Variants in IL1RAPL1 observed in about 807,000 individuals in gnomAD.
The protein encoded by IL1RAPL1 is interleukin 1 receptor accessory protein like 1.
Under a neutral mutation model 48.4 loss-of-function variants are expected in IL1RAPL1, and 3 were observed. The observed-to-expected ratio is 0.06, with a 90% CI of 0.03 to 0.16. The LOEUF (loss-of-function observed/expected upper bound fraction) is 0.16, where lower values mean the gene tolerates loss of function less well. Ranked by LOEUF, IL1RAPL1 falls within the 10% of genes least tolerant of loss-of-function variation. The pLI, the probability that IL1RAPL1 is intolerant of heterozygous loss-of-function variation, is 1.00. For missense variants in IL1RAPL1, 349 were observed against 530.6 expected (o/e 0.66, Z 3.36); for synonymous variants, 185 against 187.7 (o/e 0.99, Z 0.12).
rs776902047 is a variant in IL1RAPL1 at position 29,886,764 on chromosome X, G to C, written c.779-30700G>C. 3.9e-4 allele frequency among the ~76,000 whole-genome samples: 44 copies of C among 111,820 alleles called. 1 individual carries two copies. The highest frequency in any genetic ancestry group is 4.7e-3 in the Middle Eastern group (1 of 214). On this transcript the variant is annotated intron_variant, in intron 6 of 10. Coordinates refer to ENST00000378993, the MANE Select transcript of IL1RAPL1 (RefSeq NM_014271.4). ...CAAGAGTTAAATGCAATACGGAGTAGCTCTAATAGGACCTAGACATCAGGG... is the reference window on the plus strand; with the variant it reads ...CAAGAGTTAAATGCAATACGGAGTACCTCTAATAGGACCTAGACATCAGGG...
chrX:28,993,398 G>T (rs1260798520), intron 2 of IL1RAPL1, among the ~76,000 whole-genome samples: 1 of 111,806 alleles, frequency 8.9e-6, no homozygotes, highest in Non-Finnish European at 1.9e-5. Flanking sequence ...AGACATGATG[G>T]TGGCTGGCAC....
intron 2 of IL1RAPL1, among the ~76,000 whole-genome samples, chrX:29,231,284 G>A (rs115408330): frequency 0.015 from 1,683 of 111,474 alleles, 28 homozygotes; most frequent in African/African-American, 0.047. Flanking sequence ...TCATCTCTGT[G>A]GGTGAGACTA....
intron 5 of IL1RAPL1, among the ~76,000 whole-genome samples, chrX:29,639,096 G>C (rs1925073309): frequency 9.3e-6 from 1 of 107,676 alleles, no homozygotes; most frequent in African/African-American, 3.4e-5. Context: ...TGAGGCAGGA[G>C]AATGGCGTGA....
intron 3 of IL1RAPL1, among the ~76,000 whole-genome samples, chrX:29,307,157 A>G: frequency 9.0e-6 from 1 of 111,284 alleles, no homozygotes. Context: ...TGGAACCTCC[A>G]TCCTAACCTC....
At chrX:29,334,810 A>T (rs1399003979) in intron 3 of IL1RAPL1, among the ~76,000 whole-genome samples, 1 of 111,260 alleles carries the variant, frequency 9.0e-6, no homozygotes, top group Admixed American at 9.3e-5. Context: ...CCAGGCAGAG[A>T]GGCTCCTCAT....
At chrX:29,844,793 A>G (rs1931211853) in intron 6 of IL1RAPL1, among the ~76,000 whole-genome samples, 1 of 112,153 alleles carries the variant, frequency 8.9e-6, no homozygotes, top group Non-Finnish European at 1.9e-5. Context: ...TCCTTCTTGG[A>G]TACAAGGAAC....
intron 2 of IL1RAPL1, among the ~76,000 whole-genome samples, chrX:28,912,843 T>A (rs970114385): frequency 3.6e-5 from 4 of 111,603 alleles, no homozygotes; most frequent in African/African-American, 6.5e-5. Context: ...TTTGAAAAAA[T>A]TTTTTTGTAG....
rs185646655 is a variant in IL1RAPL1, at chrX:28,677,465, A to G, written c.-25+89418A>G. Among the ~76,000 whole-genome samples the G allele has an allele frequency of 6.5e-4, 73 of 112,328 alleles. No homozygotes were observed. In the East Asian group the frequency reaches 8.4e-3, roughly 13 times the overall value. On this transcript the variant is annotated intron_variant, in intron 1 of 10. Transcript: ENST00000378993. ...TCGTATGTCTTTGTTTATTTGCTTAACCAATCTCTTATTGGTGGACACTTG... is the reference window on the plus strand; with the variant it reads ...TCGTATGTCTTTGTTTATTTGCTTAGCCAATCTCTTATTGGTGGACACTTG...
chrX:29,276,056 A>G (rs1602147287), intron 2 of IL1RAPL1, among the ~76,000 whole-genome samples: 1 of 112,225 alleles, frequency 8.9e-6, no homozygotes. Flanking sequence ...TAAAGGATCA[A>G]TTTGCTGGCT....
chrX:29,177,737 C>T (rs1930054757), intron 2 of IL1RAPL1, among the ~76,000 whole-genome samples: 1 of 111,290 alleles, frequency 9.0e-6, no homozygotes, highest in Admixed American at 9.6e-5. Context: ...AATGCTATCC[C>T]TCCCCCAGCC....
chrX:29,595,192 A>G (rs1161462014), intron 5 of IL1RAPL1, among the ~76,000 whole-genome samples: 1 of 112,323 alleles, frequency 8.9e-6, no homozygotes, highest in Non-Finnish European at 1.9e-5. Flanking sequence ...TTGTGCTGCT[A>G]TAAACATGGT....
At chrX:29,565,646 T>C (rs1922376749) in intron 5 of IL1RAPL1, among the ~76,000 whole-genome samples, 1 of 112,017 alleles carries the variant, frequency 8.9e-6, no homozygotes, top group Non-Finnish European at 1.9e-5. Context: ...ATTGAAAGGT[T>C]GATGAAAAAT....
chrX:29,217,178 A>G (rs1930885492), intron 2 of IL1RAPL1, among the ~76,000 whole-genome samples: 1 of 112,271 alleles, frequency 8.9e-6, no homozygotes, highest in African/African-American at 3.2e-5. Context: ...GCCCTTTTCA[A>G]CAAACCTGTG....
At chrX:29,627,643 A>G (rs904460589) in intron 5 of IL1RAPL1, among the ~76,000 whole-genome samples, 2 of 111,658 alleles carry the variant, frequency 1.8e-5, no homozygotes, top group Non-Finnish European at 3.8e-5. Flanking sequence ...GTGTGATGTG[A>G]CTGTGGTGGT....
intron 6 of IL1RAPL1, among the ~76,000 whole-genome samples, chrX:29,813,958 T>C (rs1930433844): frequency 8.9e-6 from 1 of 111,976 alleles, no homozygotes; most frequent in Non-Finnish European, 1.9e-5. Flanking sequence ...CCATGGTGTG[T>C]ATGCACCACA....
chrX:29,059,216 C>G (rs1482536722), intron 2 of IL1RAPL1, among the ~76,000 whole-genome samples: 1 of 110,167 alleles, frequency 9.1e-6, no homozygotes, highest in East Asian at 2.8e-4. Flanking sequence ...TTTTTTTGCC[C>G]AGGTACTATG....
chrX:29,910,364 T>C (rs778044419), intron 6 of IL1RAPL1, among the ~76,000 whole-genome samples: 15 of 109,290 alleles, frequency 1.4e-4, no homozygotes, highest in Non-Finnish European at 2.7e-4. Context: ...CCTGCACATG[T>C]ACCCCTGAAA....
chrX:28,982,460 G>C (rs878952755), intron 2 of IL1RAPL1, among the ~76,000 whole-genome samples: 2 of 111,996 alleles, frequency 1.8e-5, no homozygotes, highest in Admixed American at 9.4e-5. Flanking sequence ...CTTAGAATAC[G>C]GGAAGCACTC....
intron 5 of IL1RAPL1, among the ~76,000 whole-genome samples, chrX:29,613,092 A>G (rs1442852746): frequency 8.9e-6 from 1 of 112,353 alleles, no homozygotes; most frequent in Non-Finnish European, 1.9e-5. Context: ...TGGCTCTTCT[A>G]CATCAGCACT....
Sources: allele counts gnomAD v4.1 joint callset (sites outside exome capture counted in the v4.1 genomes callset), GRCh38; gene constraint gnomAD v4.1.1; transcripts MANE v1.5; gene names NCBI Gene and HGNC (gene_info 2026-07-23, HGNC 2026-07-21).